The following RASGEF1C variants were observed in gnomAD, a reference collection of about 807,000 sequenced individuals.
RASGEF1C encodes the protein ras-GEF domain-containing family member 1C.
Under a neutral mutation model 58.1 loss-of-function variants are expected in RASGEF1C, and 27 were observed. The ratio of observed to expected loss-of-function variants is 0.46; its 90% CI spans 0.34 to 0.64. RASGEF1C has a LOEUF of 0.64. RASGEF1C is among the 30% of genes least tolerant of loss of function. RASGEF1C has a pLI of 0.01. For synonymous variants in RASGEF1C, 243 were observed against 246.3 expected, an observed-to-expected ratio of 0.99 and a Z score of 0.13; for missense variants, 502 against 605.1, an observed-to-expected ratio of 0.83 and a Z score of 1.79.
At chr5:180,160,558 C>A (rs1458060296) in intron 1 of RASGEF1C, among the ~76,000 whole-genome samples, 2 of 152,198 alleles carry the variant, frequency 1.3e-5, no homozygotes, top group Admixed American at 6.5e-5. Flanking sequence ...TGCCCAGCAT[C>A]ATTCCTACCA....
chr5:180,174,458 G>A (rs926434249), intron 1 of RASGEF1C, among the ~76,000 whole-genome samples: 4 of 106,950 alleles, frequency 3.7e-5, no homozygotes, highest in Admixed American at 9.0e-5. Context: ...GTGCGTGTGT[G>A]CATGTCTGTG....
chr5:180,178,543 G>A (rs1354183668), intron 1 of RASGEF1C, among the ~76,000 whole-genome samples: 1 of 152,084 alleles, frequency 6.6e-6, no homozygotes, highest in Admixed American at 6.6e-5. Flanking sequence ...GCCCCCCAAA[G>A]TGCTGGGATT....
chr5:180,142,237 T>C (rs1382224441), intron 1 of RASGEF1C, among the ~76,000 whole-genome samples: 1 of 152,086 alleles, frequency 6.6e-6, no homozygotes, highest in Non-Finnish European at 1.5e-5. Context: ...GAACTAGATA[T>C]ATGCACGGTG....
At chr5:180,113,208 A>AT (rs1421640396) in intron 11 of RASGEF1C, among the ~76,000 whole-genome samples, 15 of 87,096 alleles carry the variant, frequency 1.7e-4, no homozygotes, top group Non-Finnish European at 2.7e-4. Flanking sequence ...GGACAGAGGG[A>AT]CCGGGGATGG....
At chr5:180,112,216 C>T (rs891041114) in intron 11 of RASGEF1C, among the ~76,000 whole-genome samples, 1 of 152,190 alleles carries the variant, frequency 6.6e-6, no homozygotes, top group Non-Finnish European at 1.5e-5. Context: ...TTCCCTGGGC[C>T]CCTGCAGTGT....
At chr5:180,174,904 G>A (rs377680051) in intron 1 of RASGEF1C, among the ~76,000 whole-genome samples, 5 of 152,210 alleles carry the variant, frequency 3.3e-5, no homozygotes, top group East Asian at 1.9e-4. Context: ...ATGAGGTCAC[G>A]AGACTGTCCC....
intron 1 of RASGEF1C, among the ~76,000 whole-genome samples, chr5:180,202,635 C>A (rs1756413479): frequency 6.6e-6 from 1 of 151,858 alleles, no homozygotes; most frequent in African/African-American, 2.4e-5. Context: ...TTATAACCTG[C>A]CAATCTATCC....
intron 1 of RASGEF1C, among the ~76,000 whole-genome samples, chr5:180,141,719 CTTT>C (rs55986031): frequency 0.056 from 8,137 of 145,984 alleles, 322 homozygotes; most frequent in South Asian, 0.09. Flanking sequence ...TTTTATCACA[CTTT>C]TTTTTTTTTT....
At chr5:180,171,517 T>C (rs573396420) in intron 1 of RASGEF1C, among the ~76,000 whole-genome samples, 1 of 152,162 alleles carries the variant, frequency 6.6e-6, no homozygotes, top group Admixed American at 6.5e-5. Context: ...GTCACACGTG[T>C]GGATTGTCTG....
chr5:180,103,038 A>G (rs925318840), intron 12 of RASGEF1C, among the ~76,000 whole-genome samples: 1 of 152,126 alleles, frequency 6.6e-6, no homozygotes, highest in African/African-American at 2.4e-5. Flanking sequence ...AGAACATCCT[A>G]TGTCTCCATT....
In RASGEF1C at chr5:180,177,276, G is replaced by A. The variant is rs775650963; in HGVS notation, c.-7+31752C>T. 2.0e-5 allele frequency among the ~76,000 whole-genome samples: 3 copies of A among 152,140 alleles called. No individual in the cohort carries two copies. Among genetic ancestry groups the A allele is most frequent in the Non-Finnish European group, 4.4e-5 (3 of 68,024 alleles). ...AAGCCAGGGGCTGCTTTCCCTTTCC[G>A]GCCCCACCTCCCCACCCAGTGAAGG... On this transcript the variant is annotated intron_variant, in intron 1 of 13. Transcript: ENST00000361132. The surrounding 1 kb of genome is among the most constrained non-coding windows in gnomAD (Gnocchi z 5.0).
Position 180,120,510 on chromosome 5 carries a change from A to T in RASGEF1C, c.804+550T>A, listed in dbSNP as rs576389107. On this transcript the variant is annotated intron_variant, in intron 7 of 13. Coordinates refer to ENST00000361132, the MANE Select transcript of RASGEF1C (RefSeq NM_175062.4). ...CCCCTGGGCTTCAGCTCAAGGTGAG[A>T]GAGTGGGTTCAGAGGAGGGTCCCTC... 3.2e-4 allele frequency among the ~76,000 whole-genome samples: 48 copies of T among 152,096 alleles called. No individual in the cohort carries two copies. The Middle Eastern group carries it at 0.01, about 32-fold the overall frequency.
At chr5:180,174,685 C>T (rs1166448239) in intron 1 of RASGEF1C, among the ~76,000 whole-genome samples, 1 of 152,148 alleles carries the variant, frequency 6.6e-6, no homozygotes, top group Non-Finnish European at 1.5e-5. Context: ...CCCAGTGGCT[C>T]CACATGGAAT....
At chr5:180,159,288 C>T (rs1479260874) in intron 1 of RASGEF1C, among the ~76,000 whole-genome samples, 2 of 151,850 alleles carry the variant, frequency 1.3e-5, no homozygotes, top group Admixed American at 1.3e-4. Context: ...TACAGGCGTG[C>T]ACCACCACGC....
At chr5:180,202,186 G>A (rs1756406261) in intron 1 of RASGEF1C, among the ~76,000 whole-genome samples, 1 of 152,082 alleles carries the variant, frequency 6.6e-6, no homozygotes, top group Admixed American at 6.6e-5. Flanking sequence ...AAGCTTAATA[G>A]TGTTCATTAA....
chr5:180,178,958 A>G (rs1181580782), intron 1 of RASGEF1C, among the ~76,000 whole-genome samples: 1 of 152,120 alleles, frequency 6.6e-6, no homozygotes, highest in Non-Finnish European at 1.5e-5. Context: ...AGCCAAGGAC[A>G]GCAAGGTCTG....
At chr5:180,141,901 G>A (rs375626004) in intron 1 of RASGEF1C, among the ~76,000 whole-genome samples, 1 of 151,810 alleles carries the variant, frequency 6.6e-6, no homozygotes, top group African/African-American at 2.4e-5. Context: ...GTAGAGACGG[G>A]GTTTCACCAT....
At chr5:180,190,407 G>T (rs907510229) in intron 1 of RASGEF1C, among the ~76,000 whole-genome samples, 19 of 149,202 alleles carry the variant, frequency 1.3e-4, no homozygotes, top group Non-Finnish European at 2.5e-4. Flanking sequence ...GGAGAGTGGC[G>T]TGAACCTGGG....
At chr5:180,170,814 G>C (rs78701906) in intron 1 of RASGEF1C, among the ~76,000 whole-genome samples, 1 of 152,146 alleles carries the variant, frequency 6.6e-6, no homozygotes, top group Non-Finnish European at 1.5e-5. Flanking sequence ...GGCATACCCC[G>C]GTCCTGCTCC....
Sources: allele counts gnomAD v4.1 joint callset (sites outside exome capture counted in the v4.1 genomes callset), GRCh38; gene constraint gnomAD v4.1.1; non-coding constraint Gnocchi (gnomAD v3.1); transcripts MANE v1.5; gene names NCBI Gene and HGNC (gene_info 2026-07-23, HGNC 2026-07-21).